Variants in CALCR observed in about 807,000 individuals in gnomAD.
The protein encoded by CALCR is calcitonin receptor.
In CALCR, 47 loss-of-function variants were observed where a neutral mutation model predicts 59.5. That is an observed-to-expected ratio of 0.79 (90% confidence interval 0.63 to 1.01). The LOEUF is 1.01. CALCR is among the 50% of genes least tolerant of loss of function. The pLI is 0.00. For missense variants in CALCR, 566 were observed against 597.1 expected (o/e 0.95, Z 0.54); for synonymous variants, 213 against 211.3 (o/e 1.01, Z -0.07).
chr7:93,506,365 C>A (rs1225705331), intron 2 of CALCR, among the ~76,000 whole-genome samples: 1 of 152,134 alleles, frequency 6.6e-6, no homozygotes, highest in East Asian at 1.9e-4. Flanking sequence ...GTTTCTCATC[C>A]ATATTCTCCT....
chr7:93,434,313 A>G lies in CALCR; in HGVS notation c.1150-19T>C. On this transcript the variant is annotated intron_variant, in intron 12 of 13. Transcript: ENST00000426151. ...AGAAGCCCTAAAAAGGGAAGGAAAA[A>G]TACAGTTGAAGTTATTTTTGTGTGC... The G allele has an allele frequency of 6.3e-7, 1 of 1,592,442 alleles. No individual in the cohort carries two copies. Among genetic ancestry groups the G allele is most frequent in the Non-Finnish European group, 8.6e-7 (1 of 1,160,404 alleles).
chr7:93,438,335 T>C, intron 9 of CALCR, 65 bp from the exon 10 acceptor site: 1 of 1,185,684 alleles, frequency 8.4e-7, no homozygotes, highest in South Asian at 1.2e-5. Context: ...TACAGCTGCA[T>C]GGACAATGGT....
At position 93,574,452 on chromosome 7, in the gene CALCR, G is replaced by C. The variant is rs1790075920; in HGVS notation, c.-190C>G. 1 of 152,112 alleles carries C rather than the reference G, an allele frequency of 6.6e-6. No homozygotes were observed. 9.4% of individuals were successfully genotyped at this position (152,112 alleles called of 1,614,324 possible). On this transcript the variant is annotated 5_prime_UTR_variant, in exon 2 of 14. Coordinates refer to ENST00000426151, the MANE Select transcript of CALCR (RefSeq NM_001742.4). The stretch of plus-strand genomic sequence containing the variant: ...GGACGTGCGCACTTCTCCAACCCGG[G>C]AAGGTCCGCCAGCCGCGCGGCGCAG...
intron 5 of CALCR, among the ~76,000 whole-genome samples, chr7:93,475,066 A>C (rs1240348056): frequency 6.6e-6 from 1 of 151,744 alleles, no homozygotes; most frequent in Non-Finnish European, 1.5e-5. Context: ...ATCTGCTAAG[A>C]GCTAGTAAAA....
At chr7:93,464,131 A>C (rs1269932857) in intron 7 of CALCR, among the ~76,000 whole-genome samples, 3 of 151,938 alleles carry the variant, frequency 2.0e-5, no homozygotes, top group Non-Finnish European at 4.4e-5. Flanking sequence ...CATTTGTTTC[A>C]AGTTATTAGT....
chr7:93,436,214 C>G (rs1200637973), intron 11 of CALCR, 44 bp from the exon 12 acceptor site: 1 of 1,490,256 alleles, frequency 6.7e-7, no homozygotes. Flanking sequence ...AGAAAAGTAT[C>G]ACTTAAGAAT....
intron 2 of CALCR, among the ~76,000 whole-genome samples, chr7:93,539,893 C>G (rs1176295373): frequency 3.9e-5 from 6 of 152,124 alleles, no homozygotes; most frequent in Non-Finnish European, 8.8e-5. Flanking sequence ...ATTTGTGGGG[C>G]CCCCGTCCAC....
intron 2 of CALCR, among the ~76,000 whole-genome samples, chr7:93,506,930 T>G (rs964746209): frequency 6.6e-6 from 1 of 152,178 alleles, no homozygotes; most frequent in African/African-American, 2.4e-5. Flanking sequence ...GAGATCTGAT[T>G]GTTTTATAAA....
chr7:93,516,260 C>T (rs1227114706), intron 2 of CALCR, among the ~76,000 whole-genome samples: 2 of 151,926 alleles, frequency 1.3e-5, no homozygotes, highest in Non-Finnish European at 2.9e-5. Flanking sequence ...GTAGATGGCA[C>T]AGTTGGATGA....
chr7:93,536,056 A>G (rs1253978957), intron 2 of CALCR, among the ~76,000 whole-genome samples: 2 of 151,468 alleles, frequency 1.3e-5, no homozygotes, highest in South Asian at 2.1e-4. Flanking sequence ...AGTGTAGATA[A>G]TGCATTCAGG....
chr7:93,570,984 A>T (rs2116294739), intron 2 of CALCR, among the ~76,000 whole-genome samples: 1 of 152,298 alleles, frequency 6.6e-6, no homozygotes, highest in Non-Finnish European at 1.5e-5. Context: ...TTCATGATTC[A>T]CTTTTAATAT....
chr7:93,558,228 A>G (rs1789656380), intron 2 of CALCR, among the ~76,000 whole-genome samples: 1 of 151,724 alleles, frequency 6.6e-6, no homozygotes, highest in South Asian at 2.1e-4. Context: ...CCTTCTACCT[A>G]CTGCCTTGTA....
intron 3 of CALCR, among the ~76,000 whole-genome samples, chr7:93,481,521 C>T (rs570604810): frequency 6.6e-6 from 1 of 151,836 alleles, no homozygotes; most frequent in East Asian, 2.0e-4. Flanking sequence ...AAAAATAGTT[C>T]CCAAGAAAGG....
rs914013165 is a variant in CALCR at position 93,425,775 on chromosome 7, T to A, written c.*581A>T. ...TCAAAGCATACATCTTCCTGCCAAA[T>A]GCAGGTCTTTTTCTTCACATATTTA... is the stretch of plus-strand genomic sequence containing the variant. On this transcript the variant is annotated 3_prime_UTR_variant, in exon 14 of 14. Coordinates refer to ENST00000426151, the MANE Select transcript of CALCR (RefSeq NM_001742.4). 1.3e-5 allele frequency: 2 copies of A among 152,234 alleles called. No individual in the cohort carries two copies. The highest frequency in any genetic ancestry group is 2.4e-5 in the African/African-American group (1 of 41,454). 9.4% of individuals were successfully genotyped at this position (152,234 alleles called of 1,614,324 possible). A position where few individuals can be genotyped will look rare whatever the true frequency, so the allele number is the denominator to read the frequency against.
At chr7:93,560,989 A>G (rs1789733724) in intron 2 of CALCR, among the ~76,000 whole-genome samples, 1 of 152,204 alleles carries the variant, frequency 6.6e-6, no homozygotes, top group South Asian at 2.1e-4. Context: ...GCCTTGTGCC[A>G]TGACCAAATT....
At chr7:93,465,412 A>G (rs1253476165) in intron 7 of CALCR, among the ~76,000 whole-genome samples, 1 of 151,958 alleles carries the variant, frequency 6.6e-6, no homozygotes, top group Non-Finnish European at 1.5e-5. Context: ...ATCTTGCTGA[A>G]CTAATTTGAT....
intron 8 of CALCR, among the ~76,000 whole-genome samples, chr7:93,450,131 C>A (rs185324252): frequency 6.6e-6 from 1 of 152,026 alleles, no homozygotes; most frequent in East Asian, 1.9e-4. Flanking sequence ...CACTTTTCAT[C>A]TGGAACAAAG....
Position 93,535,758 on chromosome 7 carries a change from T to C in CALCR, c.-27+38531A>G, listed in dbSNP as rs1788968514. 2.0e-5 allele frequency among the ~76,000 whole-genome samples: 3 copies of C among 151,706 alleles called. No individual in the cohort carries two copies. The South Asian group carries it at 6.2e-4, about 31-fold the overall frequency. ...TACCAAGGGCTGTGTATGCTCTTTA[T>C]GGACTTGTCCTTGGCCTAAGAGATG... is the stretch of plus-strand genomic sequence containing the variant. On this transcript the variant is annotated intron_variant, in intron 2 of 13. Transcript: ENST00000426151.
At chr7:93,470,989 T>C (rs1800540310) in intron 6 of CALCR, among the ~76,000 whole-genome samples, 1 of 144,350 alleles carries the variant, frequency 6.9e-6, no homozygotes, top group East Asian at 2.1e-4. Context: ...TGTGTTCTCA[T>C]TGTTCAATTC....
Sources: allele counts gnomAD v4.1 joint callset (sites outside exome capture counted in the v4.1 genomes callset), GRCh38; gene constraint gnomAD v4.1.1; transcripts MANE v1.5; gene names NCBI Gene and HGNC (gene_info 2026-07-23, HGNC 2026-07-21).